The following TMPRSS9 variants were observed in gnomAD, a reference collection of about 807,000 sequenced individuals.
TMPRSS9 encodes transmembrane serine protease 9.
Under a neutral mutation model 111.4 loss-of-function variants are expected in TMPRSS9, and 113 were observed. The observed-to-expected ratio is 1.01, with a 90% CI of 0.87 to 1.19. The LOEUF (loss-of-function observed/expected upper bound fraction) is 1.19, where lower values mean the gene tolerates loss of function less well. Among genes scored for constraint, TMPRSS9 ranks in the 50% most tolerant of loss-of-function variants. The probability of loss-of-function intolerance (pLI) is 0.00; values close to 1 mark genes in which losing one functional copy is unlikely to be tolerated. For synonymous variants in TMPRSS9, 805 were observed against 659.1 expected (o/e 1.22, Z -3.39); for missense variants, 1,803 against 1,513.1 (o/e 1.19, Z -3.18).
intron 1 of TMPRSS9, among the ~76,000 whole-genome samples, chr19:2,391,704 A>G (rs900428775): frequency 4.6e-5 from 7 of 150,694 alleles, no homozygotes; most frequent in Non-Finnish European, 7.4e-5. Flanking sequence ...AGATAAATAT[A>G]ATTCCCATCA....
chr19:2,365,192 C>T (rs1314991493), intron 1 of TMPRSS9, among the ~76,000 whole-genome samples: 1 of 152,072 alleles, frequency 6.6e-6, no homozygotes, highest in Non-Finnish European at 1.5e-5. Flanking sequence ...TGTTTATCGG[C>T]GTCTTCCCTC....
upstream of TMPRSS9, among the ~76,000 whole-genome samples, chr19:2,388,679 G>A (rs1342574312): frequency 6.6e-6 from 1 of 152,048 alleles, no homozygotes; most frequent in Non-Finnish European, 1.5e-5. Flanking sequence ...GGAGTACAGT[G>A]GCACAATCAC....
intron 1 of TMPRSS9, among the ~76,000 whole-genome samples, chr19:2,364,724 G>A (rs1037002569): frequency 6.6e-6 from 1 of 151,930 alleles, no homozygotes; most frequent in Non-Finnish European, 1.5e-5. Flanking sequence ...GGTGGCTCAC[G>A]CCTGTAATCC....
At position 2,425,131 on chromosome 19, in the gene TMPRSS9, CGT is replaced by C. The variant is rs1568195068; in HGVS notation, c.2849_2850del (p.Val950GlyfsTer92). 1.3e-6 allele frequency: 2 copies of C among 1,581,572 alleles called. No homozygotes were observed. Among genetic ancestry groups the C allele is most frequent in the South Asian group, 2.2e-5 (2 of 89,522 alleles). ...ACAATCTCTACACGCTCGACTACGA[CGT>C]GGCGCTGCTGGAGCTGGCGGGGCCG... On this transcript the variant is annotated frameshift_variant, in exon 16 of 18. Transcript: ENST00000648592. LOFTEE classifies it high-confidence loss of function.
chr19:2,405,540 C>T (rs1970950788), exon 7 of TMPRSS9: 1 of 1,570,028 alleles, frequency 6.4e-7, no homozygotes, highest in South Asian at 1.2e-5. Flanking sequence ...CTCACTGCTT[C>T]AATGAGTAAG....
intron 12 of TMPRSS9, 42 bp from the exon 14 acceptor site, chr19:2,417,960 T>C: frequency 6.2e-7 from 1 of 1,610,044 alleles, no homozygotes; most frequent in Non-Finnish European, 8.5e-7. Context: ...GCTGCTCTGA[T>C]GATCACTGTG....
intron 4 of TMPRSS9, 107 bp downstream of exon 5, chr19:2,399,300 C>G: frequency 7.2e-7 from 1 of 1,397,860 alleles, no homozygotes; most frequent in Non-Finnish European, 9.4e-7. Context: ...AGAAAACAAA[C>G]TGGCCGGGTG....
rs373187938 is a variant in TMPRSS9 at position 2,426,095 on chromosome 19, C to T, written c.*7C>T. 430 of 1,546,688 alleles carry T rather than the reference C, an allele frequency of 2.8e-4. 3 individuals are homozygous for T. The South Asian group carries it at 4.5e-3, about 16-fold the overall frequency. The stretch of plus-strand genomic sequence containing the variant: ...ACAGCACATCCAGGAGTGACCACCA[C>T]GTGACTGCCCAGGCCGAGACTCTAC... On this transcript the variant is annotated 3_prime_UTR_variant, in exon 18 of 18. Coordinates refer to ENST00000648592, the Ensembl canonical transcript of TMPRSS9.
At chr19:2,420,244 G>C (rs954587889) in intron 13 of TMPRSS9, among the ~76,000 whole-genome samples, 2 of 152,020 alleles carry the variant, frequency 1.3e-5, no homozygotes, top group African/African-American at 4.8e-5. Flanking sequence ...TTCAAGACTG[G>C]CCTGGCCAAC....
intron 13 of TMPRSS9, among the ~76,000 whole-genome samples, chr19:2,420,592 G>A (rs1006825283): frequency 2.0e-5 from 3 of 151,950 alleles, no homozygotes; most frequent in Admixed American, 1.3e-4. Context: ...ACCTGCAATG[G>A]GAACCTACCC....
At chr19:2,364,941 T>C (rs919535595) in intron 1 of TMPRSS9, among the ~76,000 whole-genome samples, 9 of 149,634 alleles carry the variant, frequency 6.0e-5, no homozygotes, top group Admixed American at 2.7e-4. Context: ...ATCGCGCCAC[T>C]GCACTCCAGC....
chr19:2,363,915 T>C (rs1313796902), intron 1 of TMPRSS9, among the ~76,000 whole-genome samples: 2 of 151,744 alleles, frequency 1.3e-5, no homozygotes, highest in East Asian at 3.9e-4. Context: ...GGCATGCTGA[T>C]ATTAGCTGGA....
At chr19:2,403,137 G>A in exon 6 of TMPRSS9, 1 of 1,612,722 alleles carries the variant, frequency 6.2e-7, no homozygotes, top group Non-Finnish European at 8.5e-7. Context: ...TGACCAAGGT[G>A]AACCCGGAGT....
At chr19:2,407,608 C>CTTTTCTTTT (rs1599301337) in intron 7 of TMPRSS9, among the ~76,000 whole-genome samples, 3 of 98,364 alleles carry the variant, frequency 3.0e-5, no homozygotes, top group African/African-American at 4.1e-5. Flanking sequence ...CTTTTCTTTT[C>CTTTTCTTTT]TTTTTTTTTT....
rs150446615 is a variant in TMPRSS9 at position 2,399,081 on chromosome 19, G to T, written c.402G>T (p.Thr134=). 9.5e-5 allele frequency: 153 copies of T among 1,613,508 alleles called. 1 individual carries two copies. In the Middle Eastern group the frequency reaches 1.3e-3, roughly 14 times the overall value. Residue 134 remains threonine (T), a synonymous_variant, in exon 4 of 18, where the codon ACG becomes ACT. Coordinates refer to ENST00000648592, the Ensembl canonical transcript of TMPRSS9. ...ACTTTCTGCTGCGACCCCTCCAGAC[G>T]CTGAGCCTGGGCCTGGAGGAGGAGC...
rs540146373 is a variant in TMPRSS9 at position 2,421,743 on chromosome 19, G to A, written c.2155-111G>A. On this transcript the variant is annotated intron_variant, in intron 13 of 17. Coordinates refer to ENST00000648592, the Ensembl canonical transcript of TMPRSS9. ...TCTCCAGACCCGCGCTGTGCCCTCT[G>A]CCCCCCGCCCTCGATGGCTCCCACC... The A allele has an allele frequency of 1.3e-4, 159 of 1,258,644 alleles. No individual in the cohort carries two copies. In the South Asian group the frequency reaches 2.2e-3, roughly 17 times the overall value. 78.0% of individuals were successfully genotyped at this position (1,258,644 alleles called of 1,614,324 possible).
intron 1 of TMPRSS9, among the ~76,000 whole-genome samples, chr19:2,383,989 C>T (rs150116239): frequency 2.6e-5 from 4 of 152,186 alleles, no homozygotes; most frequent in South Asian, 2.1e-4. Flanking sequence ...AAGCTCCATG[C>T]GGTGTTCTGT....
chr19:2,386,974 A>T (rs1970490207), upstream of TMPRSS9, among the ~76,000 whole-genome samples: 1 of 152,108 alleles, frequency 6.6e-6, no homozygotes, highest in Admixed American at 6.6e-5. Flanking sequence ...TGGTCCCAGC[A>T]CTTTGGGAGG....
intron 1 of TMPRSS9, among the ~76,000 whole-genome samples, chr19:2,379,615 C>CTCTTTCTTTCTTTCTTTCTATCTATCTT (rs1555676515): frequency 8.4e-6 from 1 of 118,510 alleles, no homozygotes; most frequent in African/African-American, 3.2e-5. Flanking sequence ...AACTTTCTTT[C>CTCTTTCTTTCTTTCTTTCTATCTATCTT]TCTTTCTTTC....
Sources: allele counts gnomAD v4.1 joint callset (sites outside exome capture counted in the v4.1 genomes callset), GRCh38; gene constraint gnomAD v4.1.1; transcripts MANE v1.5; gene names NCBI Gene and HGNC (gene_info 2026-07-23, HGNC 2026-07-21).